The following KANK1 variants were observed in gnomAD, a reference collection of about 807,000 sequenced individuals.
KANK1 encodes the protein KN motif and ankyrin repeat domains 1.
In KANK1, 109 loss-of-function variants were observed where a neutral mutation model predicts 106.2. The observed-to-expected ratio is 1.03, with a 90% CI of 0.88 to 1.20. KANK1 has a LOEUF of 1.20. Ranked by LOEUF, KANK1 falls within the 50% of genes most tolerant of loss-of-function variation. KANK1 has a pLI of 0.00. For missense variants in KANK1, 2,399 were observed against 1,710.7 expected (o/e 1.40, Z -7.10); for synonymous variants, 873 against 652.2 (o/e 1.34, Z -5.16).
At chr9:654,164 C>T (rs1841557444) in intron 1 of KANK1, among the ~76,000 whole-genome samples, 1 of 152,188 alleles carries the variant, frequency 6.6e-6, no homozygotes, top group Non-Finnish European at 1.5e-5. Context: ...ACACTGATGA[C>T]TGGACTTACC....
chr9:688,155 C>T (rs549056543), intron 2 of KANK1, among the ~76,000 whole-genome samples: 13 of 152,306 alleles, frequency 8.5e-5, no homozygotes, highest in Non-Finnish European at 1.6e-4. Flanking sequence ...CCCAGTTGGT[C>T]GCTCTGTGAA....
chr9:527,743 T>G (rs1158425306), intron 1 of KANK1, among the ~76,000 whole-genome samples: 5 of 150,888 alleles, frequency 3.3e-5, no homozygotes, highest in African/African-American at 1.2e-4. Flanking sequence ...TGGCCAGGTG[T>G]ACAGTTCTAG....
At chr9:547,751 A>G (rs1273651918) in intron 1 of KANK1, among the ~76,000 whole-genome samples, 2 of 152,318 alleles carry the variant, frequency 1.3e-5, no homozygotes, top group South Asian at 2.1e-4. Context: ...GTGTCTCTGT[A>G]TAACTGCTTG....
At chr9:503,328 G>A (rs1587289884), upstream of KANK1, among the ~76,000 whole-genome samples, 1 of 152,154 alleles carries the variant, frequency 6.6e-6, no homozygotes. Context: ...CCCAGGAGGA[G>A]GAAAGAGTTT....
At chr9:534,091 G>A (rs1031591679) in intron 1 of KANK1, among the ~76,000 whole-genome samples, 15 of 152,184 alleles carry the variant, frequency 9.9e-5, no homozygotes, top group African/African-American at 3.6e-4. Flanking sequence ...TTGTTTTCAG[G>A]TGGACCCAAA....
chr9:629,850 A>G (rs1835246317), intron 1 of KANK1, among the ~76,000 whole-genome samples: 1 of 152,200 alleles, frequency 6.6e-6, no homozygotes, highest in South Asian at 2.1e-4. Flanking sequence ...GCAGGCAATG[A>G]CTCATTTACT....
At chr9:636,534 A>C (rs1837178580) in intron 1 of KANK1, among the ~76,000 whole-genome samples, 1 of 152,122 alleles carries the variant, frequency 6.6e-6, no homozygotes, top group African/African-American at 2.4e-5. Context: ...AACGTTGTCC[A>C]CTTCATAACT....
chr9:683,657 A>G (rs936079827), intron 2 of KANK1, among the ~76,000 whole-genome samples: 1 of 152,222 alleles, frequency 6.6e-6, no homozygotes, highest in Non-Finnish European at 1.5e-5. Flanking sequence ...ATAAAACCCT[A>G]AAGTACAGTG....
chr9:730,984 T>C (rs1832083093), intron 4 of KANK1, 174 bp from the exon 5 acceptor site: 1 of 412,066 alleles, frequency 2.4e-6, no homozygotes, highest in East Asian at 4.4e-5. Context: ...TAATGGAACT[T>C]TGAATTATTT....
intron 1 of KANK1, among the ~76,000 whole-genome samples, chr9:654,843 GA>G: frequency 6.9e-6 from 1 of 144,340 alleles, no homozygotes; most frequent in African/African-American, 2.7e-5. Context: ...GAGAGAGAGA[GA>G]GAGATAAAGG....
At chr9:485,641 G>C (rs575439133) in intron 3 of KANK1, among the ~76,000 whole-genome samples, 1 of 152,284 alleles carries the variant, frequency 6.6e-6, no homozygotes, top group South Asian at 2.1e-4. Flanking sequence ...GAGAGGCCGA[G>C]GCGGGCAGAT....
At chr9:574,072 G>A (rs1819900638) in intron 1 of KANK1, among the ~76,000 whole-genome samples, 1 of 152,252 alleles carries the variant, frequency 6.6e-6, no homozygotes, top group Non-Finnish European at 1.5e-5. Context: ...GTACTGGAAG[G>A]AGTCTTGTCC....
At chr9:608,007 TTCAGAA>T (rs1473628963) in intron 1 of KANK1, among the ~76,000 whole-genome samples, 1 of 143,532 alleles carries the variant, frequency 7.0e-6, no homozygotes, top group Non-Finnish European at 1.5e-5. Flanking sequence ...CTAAAAAACT[TTCAGAA>T]TTATTATTAT....
intron 1 of KANK1, among the ~76,000 whole-genome samples, chr9:535,605 C>T (rs141639780): frequency 1.3e-4 from 20 of 152,294 alleles, no homozygotes; most frequent in African/African-American, 4.6e-4. Context: ...TGAGATGAAA[C>T]AGACAATACA....
intron 1 of KANK1, among the ~76,000 whole-genome samples, chr9:628,131 A>T (rs1366674968): frequency 2.0e-5 from 3 of 152,194 alleles, no homozygotes; most frequent in African/African-American, 7.2e-5. Flanking sequence ...ATTGATGAGG[A>T]ATTGAAGCTG....
intron 2 of KANK1, among the ~76,000 whole-genome samples, chr9:698,939 A>T (rs1189094498): frequency 6.6e-6 from 1 of 152,200 alleles, no homozygotes; most frequent in Non-Finnish European, 1.5e-5. Context: ...TCTATGATGC[A>T]AAAACTTGAT....
intron 1 of KANK1, among the ~76,000 whole-genome samples, chr9:651,922 T>C (rs902629031): frequency 2.0e-5 from 3 of 152,220 alleles, no homozygotes; most frequent in African/African-American, 7.2e-5. Flanking sequence ...ATATTAAAAT[T>C]AATAGTATAC....
At position 710,819 on chromosome 9, in the gene KANK1, T is replaced by C. The variant is rs202134461; in HGVS notation, c.53T>C (p.Ile18Thr). 2 of 1,588,834 alleles carry C rather than the reference T, an allele frequency of 1.3e-6. No homozygotes were observed. Among genetic ancestry groups the C allele is most frequent in the East Asian group, 2.2e-5 (1 of 44,710 alleles). ...CCTCTTCTAGGAAAAGCAGGTGATA[T>C]TCTCAGTGGAGACCAGGACAAGGAA... ...NGSASGKAGDILSGDQDKEQK... is the reference protein window; with the variant it reads ...NGSASGKAGDTLSGDQDKEQK... The change falls in exon 3 of 12, where the codon ATT becomes ACT. Residue 18 changes from isoleucine (I) to threonine (T), a missense_variant. Transcript: ENST00000382297.
chr9:707,244 C>T (rs1330848131), intron 2 of KANK1: 1 of 986,114 alleles, frequency 1.0e-6, no homozygotes, highest in Non-Finnish European at 1.2e-6. Flanking sequence ...GCGGGCGCCA[C>T]GTGGTAGGTG....
Sources: gnomAD v4.1 joint callset for allele counts (sites outside exome capture counted in the v4.1 genomes callset) on GRCh38, gnomAD v4.1.1 for gene constraint, MANE v1.5 for transcripts, NCBI Gene and HGNC (gene_info 2026-07-23, HGNC 2026-07-21) for gene names.